The following CD86 variants were observed in gnomAD, a reference collection of about 807,000 sequenced individuals.
CD86 encodes the protein T-lymphocyte activation antigen CD86.
Under a neutral mutation model 32.1 loss-of-function variants are expected in CD86, and 11 were observed. The ratio of observed to expected loss-of-function variants is 0.34; its 90% CI spans 0.22 to 0.57. The LOEUF (loss-of-function observed/expected upper bound fraction) is 0.57. Ranked by LOEUF, CD86 falls within the 20% of genes least tolerant of loss-of-function variation. The pLI is 0.86. For synonymous variants in CD86, 137 were observed against 135.3 expected (o/e 1.01, Z -0.09); for missense variants, 359 against 398.4 (o/e 0.90, Z 0.84).
At chr3:122,080,141 G>A (rs895460144) in intron 1 of CD86, among the ~76,000 whole-genome samples, 1 of 152,134 alleles carries the variant, frequency 6.6e-6, no homozygotes, top group African/African-American at 2.4e-5. Flanking sequence ...GAGAAAACAA[G>A]AATCAGGCTA....
chr3:122,084,641 C>T (rs60455726), intron 1 of CD86, among the ~76,000 whole-genome samples: 4 of 152,120 alleles, frequency 2.6e-5, no homozygotes, highest in African/African-American at 9.7e-5. Flanking sequence ...ATACAGTCCT[C>T]TCCAGCATGA....
At chr3:122,114,864 C>T (rs1576788752) in intron 5 of CD86, among the ~76,000 whole-genome samples, 1 of 152,168 alleles carries the variant, frequency 6.6e-6, no homozygotes. Context: ...TACAAGATGA[C>T]TTCCTCAACC....
Position 122,055,504 on chromosome 3 carries a change from G to T in CD86, c.14+1G>T. 2 of 1,613,968 alleles carry T rather than the reference G, an allele frequency of 1.2e-6. No individual in the cohort carries two copies. The highest frequency in any genetic ancestry group is 1.7e-6 in the Non-Finnish European group (2 of 1,179,830). ...AAGCAGCCAAAATGGATCCCCAGTG[G>T]TGAGTAATAATTCTTATTCTTTGCA... On this transcript the variant is annotated splice_donor_variant, in intron 1 of 6. Transcript: ENST00000330540. LOFTEE classifies it high-confidence loss of function.
intron 2 of CD86, among the ~76,000 whole-genome samples, chr3:122,097,437 C>G (rs1454778248): frequency 6.6e-6 from 1 of 152,158 alleles, no homozygotes; most frequent in Non-Finnish European, 1.5e-5. Flanking sequence ...AATAGTTCAG[C>G]TTTTAATCTC....
At chr3:122,089,801 A>AAT (rs578255058) in intron 1 of CD86, among the ~76,000 whole-genome samples, 13 of 152,254 alleles carry the variant, frequency 8.5e-5, no homozygotes, top group East Asian at 5.8e-4. Context: ...GTGGTCTGGA[A>AAT]ATATATATAT....
At chr3:122,095,428 G>T (rs575161091) in intron 2 of CD86, among the ~76,000 whole-genome samples, 1 of 152,052 alleles carries the variant, frequency 6.6e-6, no homozygotes, top group South Asian at 2.1e-4. Context: ...TGATCTGCCC[G>T]CCTCGACCTC....
At chr3:122,095,707 A>G (rs1410040899) in intron 2 of CD86, among the ~76,000 whole-genome samples, 11 of 152,122 alleles carry the variant, frequency 7.2e-5, no homozygotes, top group African/African-American at 2.2e-4. Context: ...GTTCTATTGG[A>G]TTCACCCCTT....
chr3:122,058,665 G>A (rs2072278780), intron 1 of CD86, among the ~76,000 whole-genome samples: 1 of 152,056 alleles, frequency 6.6e-6, no homozygotes, highest in Admixed American at 6.6e-5. Context: ...AGAACAAGGA[G>A]CCCACAGTCC....
At position 122,114,909 on chromosome 3, in the gene CD86, G is replaced by A. The variant is rs548796213; in HGVS notation, c.848-3139G>A. Among the ~76,000 whole-genome samples the A allele has an allele frequency of 2.6e-5, 4 of 152,288 alleles. No homozygotes were observed. In the South Asian group the frequency reaches 8.3e-4, roughly 32 times the overall value. ...ACATCTACCAAAAATTCTTCTGTTA[G>A]CATAATATTTCATGATAGAAGACTG... On this transcript the variant is annotated intron_variant, in intron 5 of 6. Transcript: ENST00000330540.
At chr3:122,106,026 A>G (rs2073085863) in intron 3 of CD86, among the ~76,000 whole-genome samples, 172 bp from the exon 4 acceptor site, 1 of 152,092 alleles carries the variant, frequency 6.6e-6, no homozygotes, top group African/African-American at 2.4e-5. Flanking sequence ...TGAAAAATAA[A>G]CATGAAGTCA....
chr3:122,112,813 C>T (rs139859301), intron 5 of CD86, among the ~76,000 whole-genome samples: 2 of 152,034 alleles, frequency 1.3e-5, no homozygotes, highest in Non-Finnish European at 1.5e-5. Flanking sequence ...ACTATAAGTA[C>T]CTTTTTTTAC....
At chr3:122,056,562 G>A (rs963643668) in intron 1 of CD86, among the ~76,000 whole-genome samples, 1 of 152,086 alleles carries the variant, frequency 6.6e-6, no homozygotes, top group African/African-American at 2.4e-5. Flanking sequence ...TCGATCTCTT[G>A]ACCTTGTGAT....
intron 1 of CD86, among the ~76,000 whole-genome samples, chr3:122,082,705 A>G (rs1039938529): frequency 3.9e-5 from 6 of 152,228 alleles, no homozygotes; most frequent in Non-Finnish European, 7.3e-5. Context: ...AAACTGAAGT[A>G]CAGATTCTTA....
chr3:122,107,212 G>T (rs977377165), intron 4 of CD86, among the ~76,000 whole-genome samples: 2 of 152,136 alleles, frequency 1.3e-5, no homozygotes, highest in African/African-American at 2.4e-5. Context: ...ATAAATTATT[G>T]GGGTTAATAA....
chr3:122,111,458 A>T (rs2107546486), intron 5 of CD86, among the ~76,000 whole-genome samples: 1 of 152,360 alleles, frequency 6.6e-6, no homozygotes, highest in African/African-American at 2.4e-5. Context: ...AGATGGTGAG[A>T]TTAACCTGGA....
At chr3:122,094,457 A>T (rs2072875545) in intron 2 of CD86, among the ~76,000 whole-genome samples, 1 of 152,254 alleles carries the variant, frequency 6.6e-6, no homozygotes, top group Admixed American at 6.5e-5. Flanking sequence ...TGGAATAGAA[A>T]GCCCATGACA....
chr3:122,056,631 G>A (rs1201265614), intron 1 of CD86, among the ~76,000 whole-genome samples: 1 of 152,140 alleles, frequency 6.6e-6, no homozygotes, highest in African/African-American at 2.4e-5. Context: ...CGCGCACCCG[G>A]CCGTCACTAT....
At chr3:122,088,886 A>T (rs182227062) in intron 1 of CD86, among the ~76,000 whole-genome samples, 2 of 152,372 alleles carry the variant, frequency 1.3e-5, no homozygotes, top group Admixed American at 1.3e-4. Context: ...AGCCTTGTTC[A>T]TACCAGCATT....
chr3:122,065,763 A>G (rs1021598791), intron 1 of CD86, among the ~76,000 whole-genome samples: 1 of 152,232 alleles, frequency 6.6e-6, no homozygotes, highest in African/African-American at 2.4e-5. Context: ...GGACCCAGCC[A>G]TTCCAACTCC....
Sources: gnomAD v4.1 joint callset for allele counts (sites outside exome capture counted in the v4.1 genomes callset) on GRCh38, gnomAD v4.1.1 for gene constraint, MANE v1.5 for transcripts, NCBI Gene and HGNC (gene_info 2026-07-23, HGNC 2026-07-21) for gene names.